Variants in NCKAP5 observed in about 807,000 individuals in gnomAD.
The protein encoded by NCKAP5 is NCK associated protein 5.
Under a neutral mutation model 167.0 loss-of-function variants are expected in NCKAP5, and 92 were observed. The observed-to-expected ratio is 0.55, with a 90% CI of 0.47 to 0.66. The LOEUF (loss-of-function observed/expected upper bound fraction) is 0.66, where lower values mean the gene tolerates loss of function less well. Among genes scored for constraint, NCKAP5 ranks in the 30% least tolerant of loss-of-function variants. NCKAP5 has a pLI of 0.00. For synonymous variants in NCKAP5, 891 were observed against 877.4 expected, an observed-to-expected ratio of 1.02 and a Z score of -0.27; for missense variants, 2,378 against 2,315.0, an observed-to-expected ratio of 1.03 and a Z score of -0.56.
intron 3 of NCKAP5, among the ~76,000 whole-genome samples, chr2:133,366,744 T>C (rs1285837771): frequency 6.6e-6 from 1 of 152,208 alleles, no homozygotes; most frequent in African/African-American, 2.4e-5. Context: ...TATTTTTGAT[T>C]TAATGTGACT....
intron 8 of NCKAP5, among the ~76,000 whole-genome samples, chr2:132,902,937 T>C (rs992529505): frequency 9.9e-5 from 15 of 152,174 alleles, no homozygotes; most frequent in African/African-American, 2.7e-4. Context: ...GAGTAACTGA[T>C]AGGAGAGGTG....
At chr2:132,673,452 G>C in intron 19 of NCKAP5, 147 bp from the exon 20 acceptor site, 1 of 613,226 alleles carries the variant, frequency 1.6e-6, no homozygotes, top group Non-Finnish European at 2.4e-6. Flanking sequence ...AGTATAATTA[G>C]ATGTAATAAT....
the NCKAP5 span, among the ~76,000 whole-genome samples, chr2:133,616,638 G>T: frequency 1.3e-5 from 2 of 150,992 alleles, no homozygotes; most frequent in Admixed American, 6.6e-5. Context: ...AATAACAGGA[G>T]CTGAAATTGT....
At chr2:132,709,591 GATAT>G (rs1291398432) in intron 19 of NCKAP5, among the ~76,000 whole-genome samples, 3 of 152,070 alleles carry the variant, frequency 2.0e-5, no homozygotes, top group Non-Finnish European at 2.9e-5. Context: ...AGACAAAAGG[GATAT>G]ATTCCCATAT....
Position 132,672,912 on chromosome 2 carries a change from CTCTGGT to C in NCKAP5, c.*371_*376del. 1 of 966,742 alleles carries C rather than the reference CTCTGGT, an allele frequency of 1.0e-6. No individual in the cohort carries two copies. Among genetic ancestry groups the C allele is most frequent in the Non-Finnish European group, 1.2e-6 (1 of 812,098 alleles). 59.9% of individuals were successfully genotyped at this position (966,742 alleles called of 1,614,324 possible). ...CCTGCTGTGAATTTGACAAGGAAGG[CTCTGGT>C]ACTGCAATAGTTTATTGTTATCTCT... On this transcript the variant is annotated 3_prime_UTR_variant, in exon 20 of 20. Coordinates refer to ENST00000409261, the MANE Select transcript of NCKAP5 (RefSeq NM_207363.3).
intron 6 of NCKAP5, among the ~76,000 whole-genome samples, chr2:133,065,392 T>C (rs1473646298): frequency 6.6e-6 from 1 of 152,156 alleles, no homozygotes; most frequent in South Asian, 2.1e-4. Flanking sequence ...TTTGGGAGGC[T>C]GAGGCGGGCA....
intron 3 of NCKAP5, among the ~76,000 whole-genome samples, chr2:133,421,239 T>C (rs569904298): frequency 1.3e-5 from 2 of 152,290 alleles, no homozygotes; most frequent in East Asian, 3.9e-4. Flanking sequence ...CATTGTCTAA[T>C]GCAGTTTTCC....
At chr2:133,395,849 T>C (rs1262199110) in intron 3 of NCKAP5, among the ~76,000 whole-genome samples, 1 of 152,146 alleles carries the variant, frequency 6.6e-6, no homozygotes, top group African/African-American at 2.4e-5. Flanking sequence ...TCCCTCTATG[T>C]TGCCCAGGCT....
At chr2:133,606,370 G>A in the NCKAP5 span, among the ~76,000 whole-genome samples, 113 of 152,190 alleles carry the variant, frequency 7.4e-4, 2 homozygotes, top group South Asian at 3.7e-3. Context: ...AGAACTTACC[G>A]AACACCCCCT....
At chr2:133,322,501 G>A (rs1282018092) in intron 3 of NCKAP5, among the ~76,000 whole-genome samples, 2 of 152,212 alleles carry the variant, frequency 1.3e-5, no homozygotes, top group African/African-American at 2.4e-5. Flanking sequence ...GTAAAACAGT[G>A]TGTCTGTCTC....
intron 11 of NCKAP5, among the ~76,000 whole-genome samples, chr2:132,842,821 G>A (rs1302884552): frequency 1.3e-5 from 2 of 151,984 alleles, no homozygotes; most frequent in African/African-American, 4.8e-5. Flanking sequence ...TTATAGGCGT[G>A]AGCTACCATG....
intron 3 of NCKAP5, among the ~76,000 whole-genome samples, chr2:133,342,832 T>C (rs897469380): frequency 1.3e-5 from 2 of 152,104 alleles, no homozygotes; most frequent in African/African-American, 2.4e-5. Context: ...TTTCACAGTG[T>C]TGTGATTAAT....
At chr2:133,046,481 T>A (rs1030701714) in intron 6 of NCKAP5, among the ~76,000 whole-genome samples, 79 of 152,082 alleles carry the variant, frequency 5.2e-4, no homozygotes, top group Admixed American at 1.6e-3. Context: ...CCAGCTCAAG[T>A]GATCCTCCGA....
the NCKAP5 span, among the ~76,000 whole-genome samples, chr2:133,629,678 A>G: frequency 6.6e-6 from 1 of 152,230 alleles, no homozygotes; most frequent in Non-Finnish European, 1.5e-5. Flanking sequence ...ATTCATGAAC[A>G]CATATGTTCA....
intron 5 of NCKAP5, among the ~76,000 whole-genome samples, chr2:133,177,147 A>C (rs2150015522): frequency 8.1e-6 from 1 of 123,846 alleles, no homozygotes; most frequent in Non-Finnish European, 1.6e-5. Context: ...TTTTAGCGAC[A>C]CAGGAGGTTT....
chr2:133,026,250 T>G (rs750334883), intron 6 of NCKAP5, among the ~76,000 whole-genome samples: 2 of 152,216 alleles, frequency 1.3e-5, no homozygotes, highest in Non-Finnish European at 2.9e-5. Flanking sequence ...ATTAGACTTT[T>G]GTTAGATGGA....
chr2:133,460,595 T>C (rs939474253), intron 3 of NCKAP5, among the ~76,000 whole-genome samples: 1 of 152,164 alleles, frequency 6.6e-6, no homozygotes, highest in African/African-American at 2.4e-5. Flanking sequence ...CAGATGCATA[T>C]AATGCTCATA....
Position 133,058,013 on chromosome 2 carries a change from C to G in NCKAP5, c.342-63774G>C, listed in dbSNP as rs1573897379. 2.0e-5 allele frequency among the ~76,000 whole-genome samples: 3 copies of G among 152,174 alleles called. No homozygotes were observed. The South Asian group carries it at 6.2e-4, about 32-fold the overall frequency. ...AGGGCCTTTAAGAATTAAGCTAAAT[C>G]TACTCTGCCTCTGGCTCTATAGATG... On this transcript the variant is annotated intron_variant, in intron 6 of 19. Transcript: ENST00000409261.
chr2:133,295,270 T>G (rs1679879442), intron 4 of NCKAP5, among the ~76,000 whole-genome samples: 1 of 152,192 alleles, frequency 6.6e-6, no homozygotes, highest in Admixed American at 6.5e-5. Context: ...AGATCACCAC[T>G]TCCCTCGATA....
Sources: allele counts gnomAD v4.1 joint callset (sites outside exome capture counted in the v4.1 genomes callset), GRCh38; gene constraint gnomAD v4.1.1; transcripts MANE v1.5; gene names NCBI Gene and HGNC (gene_info 2026-07-23, HGNC 2026-07-21).